The following YEATS2 variants were observed in gnomAD, a reference collection of about 807,000 sequenced individuals.
The protein encoded by YEATS2 is YEATS domain containing 2, also known as YEATS domain-containing protein 2.
In YEATS2, 77 loss-of-function variants were observed where a neutral mutation model predicts 163.2. The observed-to-expected ratio is 0.47, with a 90% CI of 0.39 to 0.57. The LOEUF (loss-of-function observed/expected upper bound fraction) is 0.57, where lower values mean the gene tolerates loss of function less well. Ranked by LOEUF, YEATS2 falls within the 20% of genes least tolerant of loss-of-function variation. The pLI is 0.00. For missense variants in YEATS2, 1,549 were observed against 1,729.8 expected (o/e 0.90, Z 1.85); for synonymous variants, 631 against 645.1 (o/e 0.98, Z 0.33).
At chr3:183,698,441 G>C (rs1244118010) in intron 1 of YEATS2, among the ~76,000 whole-genome samples, 1 of 152,156 alleles carries the variant, frequency 6.6e-6, no homozygotes, top group Non-Finnish European at 1.5e-5. Context: ...AGAGGCTTTG[G>C]GGGTCCAGGG....
intron 9 of YEATS2, among the ~76,000 whole-genome samples, chr3:183,748,490 G>A (rs1719805709): frequency 6.6e-6 from 1 of 152,000 alleles, no homozygotes; most frequent in Non-Finnish European, 1.5e-5. Flanking sequence ...GACTGCTCTC[G>A]AACTGCCTGA....
chr3:183,779,350 A>G (rs1017416861), intron 19 of YEATS2, among the ~76,000 whole-genome samples: 2 of 152,208 alleles, frequency 1.3e-5, no homozygotes, highest in Non-Finnish European at 2.9e-5. Context: ...GTCCTTACCC[A>G]TGTTAAACAG....
chr3:183,803,538 C>T (rs901248039), intron 26 of YEATS2: 2 of 603,596 alleles, frequency 3.3e-6, no homozygotes, highest in African/African-American at 3.7e-5. Context: ...ACATCCCTCA[C>T]AGTTTCTAAA....
At chr3:183,723,861 G>A (rs1451711142) in intron 5 of YEATS2, among the ~76,000 whole-genome samples, 8 of 152,222 alleles carry the variant, frequency 5.3e-5, no homozygotes, top group Admixed American at 3.9e-4. Context: ...GCAATGAGCC[G>A]AGATCGTGCC....
intron 11 of YEATS2, 125 bp downstream of exon 11, chr3:183,754,490 A>G: frequency 7.6e-7 from 1 of 1,318,708 alleles, no homozygotes; most frequent in East Asian, 2.5e-5. Context: ...TGTTTAACAA[A>G]AGGAAGTTTA....
intron 27 of YEATS2, chr3:183,806,490 G>A (rs1416056373): frequency 2.3e-6 from 1 of 429,750 alleles, no homozygotes. Context: ...GTGAGAATAG[G>A]GGTGATTCTT....
At chr3:183,713,723 G>A (rs1715509021) in intron 1 of YEATS2, among the ~76,000 whole-genome samples, 1 of 152,244 alleles carries the variant, frequency 6.6e-6, no homozygotes, top group Admixed American at 6.5e-5. Flanking sequence ...TGGAAGAGGA[G>A]CACTGTCCAA....
intron 27 of YEATS2, chr3:183,806,181 A>G: frequency 2.5e-6 from 1 of 405,868 alleles, no homozygotes. Context: ...TCCTAAGTCA[A>G]AAATGATATT....
intron 21 of YEATS2, among the ~76,000 whole-genome samples, chr3:183,791,933 T>TAATA (rs1724694058): frequency 6.6e-6 from 1 of 152,224 alleles, no homozygotes; most frequent in African/African-American, 2.4e-5. Context: ...ATGAGATTGA[T>TAATA]AATAATACCT....
chr3:183,725,041 CTTTTTTTTTTT>C (rs62826962), intron 6 of YEATS2, among the ~76,000 whole-genome samples: 5 of 87,504 alleles, frequency 5.7e-5, no homozygotes, highest in Non-Finnish European at 1.1e-4. Context: ...CCGTGCCGGC[CTTTTTTTTTTT>C]TTTTTTTTTT....
chr3:183,762,406 C>A, intron 15 of YEATS2, 127 bp downstream of exon 15: 1 of 1,231,252 alleles, frequency 8.1e-7, no homozygotes, highest in Non-Finnish European at 1.1e-6. Context: ...GGGTGAAAGC[C>A]TAGTTGGAAA....
chr3:183,746,242 C>T (rs1034376849), intron 8 of YEATS2, among the ~76,000 whole-genome samples: 9 of 152,004 alleles, frequency 5.9e-5, no homozygotes, highest in African/African-American at 1.9e-4. Flanking sequence ...TTTGTAGAGA[C>T]AGGCTTTTGC....
At chr3:183,794,368 A>T (rs1245326260) in intron 21 of YEATS2, among the ~76,000 whole-genome samples, 1 of 152,252 alleles carries the variant, frequency 6.6e-6, no homozygotes, top group African/African-American at 2.4e-5. Flanking sequence ...TTCAGAAATT[A>T]CATTATCATT....
At chr3:183,807,892 G>A (rs1025357816) in intron 28 of YEATS2, 138 bp from the exon 29 acceptor site, 17 of 604,918 alleles carry the variant, frequency 2.8e-5, no homozygotes, top group South Asian at 4.4e-5. Context: ...TTCCTTTCCC[G>A]TGAATTTTGC....
At chr3:183,802,509 GTATACA>G (rs1725767398) in intron 25 of YEATS2, 2 of 66,776 alleles carry the variant, frequency 3.0e-5, no homozygotes, top group Admixed American at 3.6e-4. Flanking sequence ...GTGTGTGTGT[GTATACA>G]TGTATATATA....
At chr3:183,760,817 G>C (rs1721272353) in intron 13 of YEATS2, among the ~76,000 whole-genome samples, 1 of 152,140 alleles carries the variant, frequency 6.6e-6, no homozygotes, top group Admixed American at 6.5e-5. Context: ...CATTGCAGCT[G>C]CCTGTTTCTT....
intron 19 of YEATS2, among the ~76,000 whole-genome samples, chr3:183,780,008 T>TC (rs1723410352): frequency 1.3e-5 from 2 of 151,378 alleles, no homozygotes; most frequent in Admixed American, 1.3e-4. Flanking sequence ...TACTTTTTTT[T>TC]TTTTTTTTTT....
intron 1 of YEATS2, among the ~76,000 whole-genome samples, chr3:183,700,496 G>C (rs2108950662): frequency 6.6e-6 from 1 of 151,814 alleles, no homozygotes; most frequent in Non-Finnish European, 1.5e-5. Flanking sequence ...CTTTCAGTCT[G>C]TTTTCTGTCG....
At chr3:183,737,108 A>G (rs769715454) in intron 8 of YEATS2, among the ~76,000 whole-genome samples, 3 of 152,220 alleles carry the variant, frequency 2.0e-5, no homozygotes, top group Non-Finnish European at 2.9e-5. Flanking sequence ...TAAGAAAATT[A>G]TAAGGAATAG....
Sources: allele counts gnomAD v4.1 joint callset (sites outside exome capture counted in the v4.1 genomes callset), GRCh38; gene constraint gnomAD v4.1.1; transcripts MANE v1.5; gene names NCBI Gene and HGNC (gene_info 2026-07-23, HGNC 2026-07-21).